The following VPS45 variants were observed in gnomAD, a reference collection of about 807,000 sequenced individuals.
The protein encoded by VPS45 is vacuolar protein sorting 45 homolog.
Under a neutral mutation model 75.9 loss-of-function variants are expected in VPS45, and 35 were observed. That is an observed-to-expected ratio of 0.46 (90% CI 0.35 to 0.61). The LOEUF (loss-of-function observed/expected upper bound fraction) is 0.61, where lower values mean the gene tolerates loss of function less well. Among genes scored for constraint, VPS45 ranks in the 20% least tolerant of loss-of-function variants. The pLI is 0.00. For missense variants in VPS45, 559 were observed against 685.9 expected (o/e 0.81, Z 2.07); for synonymous variants, 220 against 238.2 (o/e 0.92, Z 0.70).
At chr1:150,082,313 C>G (rs1026297863) in intron 9 of VPS45, among the ~76,000 whole-genome samples, 2 of 152,086 alleles carry the variant, frequency 1.3e-5, no homozygotes, top group East Asian at 3.9e-4. Context: ...TCAAGACCAG[C>G]CTGACCAACA....
intron 14 of VPS45, among the ~76,000 whole-genome samples, chr1:150,130,198 C>CTTTTT (rs34302545): frequency 0.059 from 5,091 of 86,200 alleles, 657 homozygotes; most frequent in African/African-American, 0.069. Context: ...CACACACACA[C>CTTTTT]TTTTTTTTTT....
rs782389812 is a variant in VPS45, at chr1:150,080,364, G to A, written c.688-978G>A. ...TCACCATGTTGGTCAGGCCGGTCTC[G>A]AACTCCCGACCTTAAGTGATCCACC... On this transcript the variant is annotated intron_variant, in intron 7 of 14. Coordinates refer to ENST00000644510, the MANE Select transcript of VPS45 (RefSeq NM_007259.5). Among the ~76,000 whole-genome samples, 223 of 151,996 alleles carry A rather than the reference G, an allele frequency of 1.5e-3. 1 individual carries two copies. Among genetic ancestry groups the A allele is most frequent in the Non-Finnish European group, 2.4e-3 (164 of 67,974 alleles).
intron 10 of VPS45, among the ~76,000 whole-genome samples, chr1:150,088,052 A>G (rs1656106518): frequency 6.6e-6 from 1 of 152,212 alleles, no homozygotes; most frequent in Non-Finnish European, 1.5e-5. Context: ...CACCTTAAAC[A>G]TCTGTCATTT....
At chr1:150,131,207 A>G (rs1332478675) in intron 14 of VPS45, among the ~76,000 whole-genome samples, 4 of 152,044 alleles carry the variant, frequency 2.6e-5, no homozygotes, top group Non-Finnish European at 4.4e-5. Flanking sequence ...GCTGCTGCTG[A>G]TTCTTAAAAA....
intron 14 of VPS45, among the ~76,000 whole-genome samples, chr1:150,119,279 AT>A (rs1213573351): frequency 5.9e-5 from 9 of 152,256 alleles, no homozygotes; most frequent in African/African-American, 2.2e-4. Flanking sequence ...AAAGGCTAAT[AT>A]TTTTTAAAAA....
rs587608850 is a variant in VPS45 at position 150,140,241 on chromosome 1, C to T, written c.1626-4468C>T. Among the ~76,000 whole-genome samples, 8 of 152,174 alleles carry T rather than the reference C, an allele frequency of 5.3e-5. 1 individual carries two copies. The highest frequency in any genetic ancestry group is 1.7e-4 in the African/African-American group (7 of 41,434). On this transcript the variant is annotated intron_variant, in intron 14 of 14. Coordinates refer to ENST00000644510, the MANE Select transcript of VPS45 (RefSeq NM_007259.5). The stretch of plus-strand genomic sequence containing the variant: ...TTAAAATCTCACACCACTACCATCT[C>T]CAATACTCCTTTTTTAAACCTGCTT...
intron 13 of VPS45, among the ~76,000 whole-genome samples, chr1:150,103,186 G>A (rs890022611): frequency 6.6e-6 from 1 of 151,998 alleles, no homozygotes; most frequent in Admixed American, 6.6e-5. Flanking sequence ...GGTTGCTATG[G>A]TGAATTACAA....
chr1:150,106,793 C>G (rs1200384192), intron 13 of VPS45, among the ~76,000 whole-genome samples: 1 of 152,142 alleles, frequency 6.6e-6, no homozygotes, highest in African/African-American at 2.4e-5. Flanking sequence ...CCCTTCATAG[C>G]CAAGCTTTTT....
chr1:150,092,972 A>G (rs1234443506), intron 12 of VPS45, among the ~76,000 whole-genome samples: 2 of 149,606 alleles, frequency 1.3e-5, no homozygotes, highest in African/African-American at 4.9e-5. Context: ...CCTCTCGAGT[A>G]GCTGGGACTA....
chr1:150,128,309 A>AAAAAAAG (rs1658626994), intron 14 of VPS45, among the ~76,000 whole-genome samples: 1 of 145,282 alleles, frequency 6.9e-6, no homozygotes, highest in African/African-American at 2.8e-5. Context: ...TCTTAAAAAA[A>AAAAAAAG]AAAAGAAAAT....
In VPS45 at chr1:150,135,195, G is replaced by A. The variant is rs189249779; in HGVS notation, c.1626-9514G>A. Among the ~76,000 whole-genome samples the A allele has an allele frequency of 1.5e-4, 23 of 152,080 alleles. No individual in the cohort carries two copies. In the East Asian group the frequency reaches 2.3e-3, roughly 15 times the overall value. ...CTGATAAGTACCTTAAAATATGTTT[G>A]TGTCAAAATTTAAAAGGTCCTTTTA... On this transcript the variant is annotated intron_variant, in intron 14 of 14. Coordinates refer to ENST00000644510, the MANE Select transcript of VPS45 (RefSeq NM_007259.5).
intron 2 of VPS45, among the ~76,000 whole-genome samples, chr1:150,069,571 C>T (rs1553796580): frequency 6.6e-6 from 1 of 151,192 alleles, no homozygotes; most frequent in South Asian, 2.1e-4. Context: ...ATTCTCCTGC[C>T]TCAGCCTCCC....
intron 10 of VPS45, among the ~76,000 whole-genome samples, chr1:150,090,356 C>T (rs1220384398): frequency 1.3e-5 from 2 of 152,178 alleles, no homozygotes; most frequent in Non-Finnish European, 2.9e-5. Flanking sequence ...TTTCTCTCCC[C>T]TTCCTCTTTT....
intron 14 of VPS45, among the ~76,000 whole-genome samples, chr1:150,136,531 GACA>G (rs1185063186): frequency 6.6e-6 from 1 of 152,000 alleles, no homozygotes; most frequent in African/African-American, 2.4e-5. Context: ...CTCCAGCCTG[GACA>G]ACGAGAGCGA....
intron 14 of VPS45, among the ~76,000 whole-genome samples, chr1:150,118,296 A>T (rs1658049039): frequency 6.6e-6 from 1 of 151,952 alleles, no homozygotes. Context: ...AAAAAAAAAA[A>T]AAAAGGTACT....
chr1:150,142,128 G>A (rs931869828), intron 14 of VPS45, among the ~76,000 whole-genome samples: 2 of 151,868 alleles, frequency 1.3e-5, no homozygotes, highest in Admixed American at 6.6e-5. Flanking sequence ...AACAAAATTA[G>A]GCTGGTAAAT....
intron 12 of VPS45, chr1:150,092,682 G>A: frequency 4.4e-6 from 1 of 229,186 alleles, no homozygotes; most frequent in Non-Finnish European, 8.4e-6. Context: ...AGTTCTGTTA[G>A]TCACAGATAT....
At chr1:150,076,752 C>T in intron 4 of VPS45, 164 bp from the exon 5 acceptor site, 6 of 651,426 alleles carry the variant, frequency 9.2e-6, no homozygotes, top group South Asian at 4.0e-5. Context: ...TTTAATTCTC[C>T]CACGTTGACT....
chr1:150,080,149 G>GTTT (rs869177411), intron 7 of VPS45, among the ~76,000 whole-genome samples: 10 of 145,380 alleles, frequency 6.9e-5, no homozygotes, highest in African/African-American at 1.3e-4. Flanking sequence ...TTTGTTGTAC[G>GTTT]TTTTTTTTTT....
Sources: gnomAD v4.1 joint callset for allele counts (sites outside exome capture counted in the v4.1 genomes callset) on GRCh38, gnomAD v4.1.1 for gene constraint, MANE v1.5 for transcripts, NCBI Gene and HGNC (gene_info 2026-07-23, HGNC 2026-07-21) for gene names.